PFKL: variants seen among roughly 807,000 people sequenced by gnomAD.
PFKL encodes ATP-dependent 6-phosphofructokinase, liver type.
PFKL carries 74 observed loss-of-function variants against 92.1 expected under a neutral mutation model. The ratio of observed to expected loss-of-function variants is 0.80; its 90% CI spans 0.67 to 0.97. The LOEUF (loss-of-function observed/expected upper bound fraction) is 0.97, where lower values mean the gene tolerates loss of function less well. PFKL is among the 50% of genes least tolerant of loss of function. PFKL has a pLI of 0.00. For synonymous variants in PFKL, 494 were observed against 456.4 expected, an observed-to-expected ratio of 1.08 and a Z score of -1.05; for missense variants, 1,028 against 1,116.6, an observed-to-expected ratio of 0.92 and a Z score of 1.13.
chr21:44,312,867 G>C, intron 4 of PFKL, 111 bp from the exon 5 acceptor site: 1 of 1,207,902 alleles, frequency 8.3e-7, no homozygotes, highest in Non-Finnish European at 1.2e-6. Flanking sequence ...CGGGGCCCCT[G>C]CCGGGCTGCA....
intron 14 of PFKL, among the ~76,000 whole-genome samples, chr21:44,322,540 C>T (rs899312880): frequency 5.3e-5 from 8 of 152,318 alleles, no homozygotes; most frequent in African/African-American, 1.9e-4. Context: ...GCTTTTGTCC[C>T]AGGGCCTGAG....
rs1049102577 is a variant in PFKL, at chr21:44,327,014, C to G, written c.*152C>G. 2.9e-6 allele frequency: 2 copies of G among 690,520 alleles called. No individual in the cohort carries two copies. Among genetic ancestry groups the G allele is most frequent in the Non-Finnish European group, 4.8e-6 (2 of 412,376 alleles). The allele number at this position is 690,520 out of a possible 1,614,324, so 42.8% of individuals were successfully genotyped here. A position where few individuals can be genotyped will look rare whatever the true frequency, so the allele number is the denominator to read the frequency against. On this transcript the variant is annotated 3_prime_UTR_variant, in exon 22 of 22. Coordinates refer to ENST00000349048, the MANE Select transcript of PFKL (RefSeq NM_002626.6). ...ATCCCCTGCCTCTATCCCTGGCCAC[C>G]TGCCAGGCCTCCCTCGGGCTGGTGT...
At position 44,319,289 on chromosome 21, in the gene PFKL, C is replaced by T. The variant is rs540445302; in HGVS notation, c.1063-62C>T. ...CCCTCGTCAGGCCCACCAGACAGGG[C>T]AGTAGCCATGGGTGTGCGGGCCAGG... On this transcript the variant is annotated intron_variant, in intron 10 of 21. Transcript: ENST00000349048. The T allele has an allele frequency of 3.5e-6, 5 of 1,412,010 alleles. No individual in the cohort carries two copies. In the South Asian group the frequency reaches 5.7e-5, roughly 16 times the overall value. 87.5% of individuals were successfully genotyped at this position (1,412,010 alleles called of 1,614,324 possible). A position where few individuals can be genotyped will look rare whatever the true frequency, so the allele number is the denominator to read the frequency against.
chr21:44,310,029 G>A (rs1247053148), intron 2 of PFKL, among the ~76,000 whole-genome samples: 1 of 152,244 alleles, frequency 6.6e-6, no homozygotes, highest in African/African-American at 2.4e-5. Flanking sequence ...AGGAGCAGAA[G>A]CCCACAGCTG....
chr21:44,323,360 C>T (rs1004916900), intron 15 of PFKL, among the ~76,000 whole-genome samples: 2 of 152,132 alleles, frequency 1.3e-5, no homozygotes, highest in Admixed American at 6.5e-5. Flanking sequence ...GAAGGGGACT[C>T]GGAAGCTGGA....
At chr21:44,315,778 C>T (rs746234247) in intron 7 of PFKL, 5 of 208,716 alleles carry the variant, frequency 2.4e-5, no homozygotes, top group African/African-American at 4.7e-5. Context: ...CTGGTGCCAG[C>T]GATGCGGGGC....
At chr21:44,305,283 C>G (rs941519970) in intron 1 of PFKL, 13 of 1,354,718 alleles carry the variant, frequency 9.6e-6, no homozygotes, top group Admixed American at 5.9e-5. Context: ...CACACCTGCT[C>G]CCTGCTGCTG....
chr21:44,311,863 T>A (rs752745641), intron 3 of PFKL, among the ~76,000 whole-genome samples: 10 of 152,186 alleles, frequency 6.6e-5, no homozygotes, highest in Admixed American at 2.0e-4. Flanking sequence ...CCTTCCACTC[T>A]ATTACCTTGG....
rs781146479 is a variant in PFKL, at chr21:44,326,143, G to A, written c.2090-16G>A. ...GGGCCTCACCATGGAGGGCTGCCAC[G>A]TGCCTCTGTTTGCAGGACGGGTGTT... is the stretch of plus-strand genomic sequence containing the variant. On this transcript the variant is annotated splice_polypyrimidine_tract_variant and intron_variant, in intron 20 of 21. Coordinates refer to ENST00000349048, the MANE Select transcript of PFKL (RefSeq NM_002626.6). 6.4e-5 allele frequency: 103 copies of A among 1,610,692 alleles called. No homozygotes were observed. The highest frequency in any genetic ancestry group is 7.6e-5 in the Non-Finnish European group (90 of 1,178,426).
At chr21:44,313,726 T>C (rs748624449) in intron 6 of PFKL, 44 bp downstream of exon 6, 2 of 1,579,978 alleles carry the variant, frequency 1.3e-6, no homozygotes, top group South Asian at 2.3e-5. Flanking sequence ...CGGGTGCTGC[T>C]GGGGACCGCA....
At chr21:44,307,615 A>G (rs1417399171) in intron 2 of PFKL, among the ~76,000 whole-genome samples, 2 of 152,114 alleles carry the variant, frequency 1.3e-5, no homozygotes, top group Non-Finnish European at 1.5e-5. Context: ...CAGTTCCCCC[A>G]TCTTGGCCCC....
At chr21:44,311,630 G>T (rs62220388) in intron 3 of PFKL, among the ~76,000 whole-genome samples, 21,954 of 152,208 alleles carry the variant, frequency 0.14, 1,740 homozygotes, top group East Asian at 0.37. Context: ...GGGGTTGCCA[G>T]GGGCCAGGAG....
At chr21:44,300,602 G>A (rs1182293035) in intron 1 of PFKL, among the ~76,000 whole-genome samples, 1 of 152,202 alleles carries the variant, frequency 6.6e-6, no homozygotes, top group Non-Finnish European at 1.5e-5. Flanking sequence ...CCAGGCTGCG[G>A]GCTTCCGGGA....
At chr21:44,325,386 C>G in intron 19 of PFKL, 122 bp downstream of exon 19, 3 of 675,786 alleles carry the variant, frequency 4.4e-6, no homozygotes, top group Non-Finnish European at 8.0e-6. Context: ...CCCTCGGGCA[C>G]GTGTGCCCTT....
intron 12 of PFKL, chr21:44,321,054 CA>C (rs1371942317): frequency 6.6e-6 from 1 of 152,276 alleles, no homozygotes; most frequent in East Asian, 1.9e-4. Context: ...CAGAACCTGG[CA>C]GGGGCGTGAC....
chr21:44,306,656 G>C, intron 1 of PFKL, 25 bp from the exon 2 acceptor site: 1 of 1,609,132 alleles, frequency 6.2e-7, no homozygotes, highest in Non-Finnish European at 8.5e-7. Context: ...GCGTGGGACT[G>C]ACAGGTTTGC....
chr21:44,305,904 T>A (rs1437328170), intron 1 of PFKL: 1 of 1,364,094 alleles, frequency 7.3e-7, no homozygotes, highest in Non-Finnish European at 9.8e-7. Context: ...CCTCAGAGCC[T>A]GGTGGCACCA....
At chr21:44,322,353 C>T (rs1463050601) in intron 14 of PFKL, 150 bp downstream of exon 14, 2 of 703,024 alleles carry the variant, frequency 2.8e-6, no homozygotes, top group South Asian at 2.1e-5. Flanking sequence ...GGCTTCACGC[C>T]TCCTGCCTGG....
chr21:44,300,225 G>A (rs2040728186), intron 1 of PFKL, 35 bp downstream of exon 1: 1 of 1,002,890 alleles, frequency 1.0e-6, no homozygotes, highest in Non-Finnish European at 1.2e-6. Context: ...GCGGCGCAGG[G>A]GGTGGAGGGC....
Sources: allele counts gnomAD v4.1 joint callset (sites outside exome capture counted in the v4.1 genomes callset), GRCh38; gene constraint gnomAD v4.1.1; transcripts MANE v1.5; gene names NCBI Gene and HGNC (gene_info 2026-07-23, HGNC 2026-07-21).